Variants in MINDY4 observed in about 807,000 individuals in gnomAD.
MINDY4 encodes the protein MINDY lysine 48 deubiquitinase 4.
Under a neutral mutation model 87.0 loss-of-function variants are expected in MINDY4, and 68 were observed. That is an observed-to-expected ratio of 0.78 (90% confidence interval 0.64 to 0.96). MINDY4 has a LOEUF of 0.96. Ranked by LOEUF, MINDY4 falls within the 40% of genes least tolerant of loss-of-function variation. The pLI is 0.00. For missense variants in MINDY4, 919 were observed against 928.2 expected, an observed-to-expected ratio of 0.99 and a Z score of 0.13; for synonymous variants, 379 against 363.2, an observed-to-expected ratio of 1.04 and a Z score of -0.50.
intron 13 of MINDY4, among the ~76,000 whole-genome samples, chr7:30,867,726 A>G (rs1789983029): frequency 6.6e-6 from 1 of 152,190 alleles, no homozygotes; most frequent in African/African-American, 2.4e-5. Flanking sequence ...GTCAAGGGTC[A>G]GTTTCTGAGA....
At chr7:30,819,377 A>T (rs1025190103) in intron 5 of MINDY4, among the ~76,000 whole-genome samples, 3 of 152,202 alleles carry the variant, frequency 2.0e-5, no homozygotes, top group African/African-American at 7.2e-5. Context: ...TGTAATCAGA[A>T]ACACAGTTTG....
At chr7:30,787,345 G>C (rs1414727074) in intron 4 of MINDY4, among the ~76,000 whole-genome samples, 1 of 152,220 alleles carries the variant, frequency 6.6e-6, no homozygotes, top group African/African-American at 2.4e-5. Flanking sequence ...CTGTCCAGGG[G>C]AAAGGGGCTA....
In MINDY4 at chr7:30,840,772, G is replaced by T. The variant is rs755386534; in HGVS notation, c.1369G>T (p.Gly457Ter). ...GIVQNKGGPC[G>*]VLAAVQGCVL... ...TCATTCTTTGCAGGGTGGTCCTTGCGGAGTCCTGGCAGCTGTCCAAGGCTG... is the reference window on the plus strand; with the variant it reads ...TCATTCTTTGCAGGGTGGTCCTTGCTGAGTCCTGGCAGCTGTCCAAGGCTG... Residue 457 changes from glycine (G) to a stop codon, truncating the protein, a stop_gained, in exon 9 of 18, where the codon GGA (glycine) becomes TGA (stop). Transcript: ENST00000265299. LOFTEE classifies it high-confidence loss of function. 3.1e-6 allele frequency: 5 copies of T among 1,613,950 alleles called. No homozygotes were observed.
At chr7:30,848,765 C>A (rs975690226) in intron 9 of MINDY4, among the ~76,000 whole-genome samples, 1 of 152,168 alleles carries the variant, frequency 6.6e-6, no homozygotes, top group African/African-American at 2.4e-5. Context: ...GTTTTATTTT[C>A]TTAAGTGCTT....
chr7:30,868,361 G>A (rs2128577233), intron 13 of MINDY4, among the ~76,000 whole-genome samples: 1 of 152,322 alleles, frequency 6.6e-6, no homozygotes, highest in Non-Finnish European at 1.5e-5. Context: ...CTGGACCTCA[G>A]TTTCCCCATC....
chr7:30,801,398 G>A (rs925101208), intron 5 of MINDY4, among the ~76,000 whole-genome samples: 8 of 152,018 alleles, frequency 5.3e-5, no homozygotes, highest in African/African-American at 1.7e-4. Flanking sequence ...GGCCTGCTTG[G>A]GCTCTTGCAC....
intron 6 of MINDY4, 39 bp downstream of exon 6, chr7:30,828,776 G>A: frequency 6.2e-7 from 1 of 1,603,540 alleles, no homozygotes; most frequent in Non-Finnish European, 8.5e-7. Flanking sequence ...GCCCATCAGG[G>A]CCCAAGGGGT....
chr7:30,851,627 G>T (rs185509592), intron 10 of MINDY4, among the ~76,000 whole-genome samples: 1 of 152,300 alleles, frequency 6.6e-6, no homozygotes, highest in East Asian at 1.9e-4. Context: ...CTTAGGATCT[G>T]CAGGGCAGCC....
At chr7:30,883,789 G>A (rs192894348) in intron 17 of MINDY4, among the ~76,000 whole-genome samples, 2 of 152,144 alleles carry the variant, frequency 1.3e-5, no homozygotes, top group Admixed American at 6.5e-5. Flanking sequence ...GGTCCCTTCT[G>A]GGGGAGCAGT....
chr7:30,826,855 C>G (rs559035025), intron 5 of MINDY4, among the ~76,000 whole-genome samples: 1 of 152,142 alleles, frequency 6.6e-6, no homozygotes, highest in Non-Finnish European at 1.5e-5. Flanking sequence ...GTGTGTGGAA[C>G]GGTCAAGGGA....
At chr7:30,775,758 T>G (rs894678508) in intron 1 of MINDY4, among the ~76,000 whole-genome samples, 2 of 152,148 alleles carry the variant, frequency 1.3e-5, no homozygotes, top group African/African-American at 2.4e-5. Context: ...ACCTTGGAGA[T>G]TCCAAGGATT....
intron 5 of MINDY4, among the ~76,000 whole-genome samples, chr7:30,812,279 G>A (rs934989633): frequency 2.1e-4 from 20 of 97,432 alleles, no homozygotes; most frequent in African/African-American, 9.7e-4. Context: ...TGAGGGGGGG[G>A]GGGTATGTAT....
At chr7:30,809,376 G>GAAAAAAAAAAAA (rs57725704) in intron 5 of MINDY4, among the ~76,000 whole-genome samples, 1 of 86,776 alleles carries the variant, frequency 1.2e-5, no homozygotes, top group Non-Finnish European at 2.3e-5. Flanking sequence ...GTATCCTAAG[G>GAAAAAAAAAAAA]AAAAAAAAAA....
chr7:30,885,706 A>ACCCCCCC (rs144436645), intron 17 of MINDY4, among the ~76,000 whole-genome samples: 1 of 123,960 alleles, frequency 8.1e-6, no homozygotes, highest in African/African-American at 3.1e-5. Context: ...GGCAGTGCCC[A>ACCCCCCC]CCCCCCCCCC....
intron 9 of MINDY4, among the ~76,000 whole-genome samples, chr7:30,845,058 C>T (rs1258278662): frequency 1.3e-5 from 2 of 152,132 alleles, no homozygotes; most frequent in African/African-American, 2.4e-5. Context: ...ACCTGGTGCC[C>T]CTGTGTCACA....
intron 17 of MINDY4, among the ~76,000 whole-genome samples, chr7:30,890,112 C>T (rs1054117522): frequency 6.6e-6 from 1 of 152,190 alleles, no homozygotes; most frequent in African/African-American, 2.4e-5. Context: ...CGGAGGAGGA[C>T]GCAGAGAAAG....
intron 17 of MINDY4, among the ~76,000 whole-genome samples, chr7:30,889,432 GA>G (rs1165918217): frequency 6.6e-6 from 1 of 152,070 alleles, no homozygotes. Context: ...CTGCTGGTTG[GA>G]CCTATATTAG....
chr7:30,775,139 T>C (rs1050215214), intron 1 of MINDY4, among the ~76,000 whole-genome samples: 2 of 152,126 alleles, frequency 1.3e-5, no homozygotes, highest in African/African-American at 4.8e-5. Flanking sequence ...TTGGGTGTCG[T>C]ACAATTCAAA....
At chr7:30,842,808 C>G (rs779321001) in intron 9 of MINDY4, among the ~76,000 whole-genome samples, 4 of 152,172 alleles carry the variant, frequency 2.6e-5, no homozygotes, top group Non-Finnish European at 5.9e-5. Flanking sequence ...CTTATTCCCC[C>G]TCAAATTGTT....
Sources: allele counts gnomAD v4.1 joint callset (sites outside exome capture counted in the v4.1 genomes callset), GRCh38; gene constraint gnomAD v4.1.1; transcripts MANE v1.5; gene names NCBI Gene and HGNC (gene_info 2026-07-23, HGNC 2026-07-21).